NELL1: variants seen among roughly 807,000 people sequenced by gnomAD.
NELL1 encodes protein kinase C-binding protein NELL1.
In NELL1, 76 loss-of-function variants were observed where a neutral mutation model predicts 107.4. The observed-to-expected ratio is 0.71, with a 90% CI of 0.59 to 0.86. The LOEUF (loss-of-function observed/expected upper bound fraction) is 0.86, where lower values mean the gene tolerates loss of function less well. Ranked by LOEUF, NELL1 falls within the 40% of genes least tolerant of loss-of-function variation. NELL1 has a pLI of 0.00. For synonymous variants in NELL1, 353 were observed against 341.2 expected, an observed-to-expected ratio of 1.03 and a Z score of -0.38; for missense variants, 1,024 against 1,005.5, an observed-to-expected ratio of 1.02 and a Z score of -0.25.
At chr11:20,914,741 A>G (rs1165836416) in intron 5 of NELL1, among the ~76,000 whole-genome samples, 2 of 152,048 alleles carry the variant, frequency 1.3e-5, no homozygotes, top group African/African-American at 2.4e-5. Flanking sequence ...CCTGTAGTAT[A>G]TAGCCTAGGA....
chr11:20,814,076 A>C (rs926366069), intron 3 of NELL1, among the ~76,000 whole-genome samples: 1 of 151,610 alleles, frequency 6.6e-6, no homozygotes, highest in Non-Finnish European at 1.5e-5. Context: ...GCTCACTGCA[A>C]GCTCCACCTC....
At chr11:20,787,089 C>T (rs530240484) in intron 3 of NELL1, among the ~76,000 whole-genome samples, 4 of 145,092 alleles carry the variant, frequency 2.8e-5, no homozygotes, top group South Asian at 2.2e-4. Flanking sequence ...AAGACAAGTA[C>T]GAAAAATCTC....
intron 5 of NELL1, among the ~76,000 whole-genome samples, chr11:20,905,027 A>G (rs1158974684): frequency 6.7e-6 from 1 of 148,876 alleles, no homozygotes; most frequent in Non-Finnish European, 1.5e-5. Flanking sequence ...TTTCACAGAG[A>G]CAAAGTCTCA....
chr11:20,712,361 T>G lies in NELL1; in HGVS notation c.184+34301T>G, dbSNP rs1374060253. Among the ~76,000 whole-genome samples, 9 of 152,318 alleles carry G rather than the reference T, an allele frequency of 5.9e-5. No homozygotes were observed. In the East Asian group the frequency reaches 1.7e-3, roughly 29 times the overall value. On this transcript the variant is annotated intron_variant, in intron 2 of 19. Coordinates refer to ENST00000357134, the MANE Select transcript of NELL1 (RefSeq NM_006157.5). ...AATTTTTCATCCATAGCCTGCATTG[T>G]TTTTTAAAATTTCTTTAACTTGGTT... is the stretch of plus-strand genomic sequence containing the variant.
chr11:21,160,344 T>C (rs1304017977), intron 13 of NELL1, among the ~76,000 whole-genome samples: 2 of 152,152 alleles, frequency 1.3e-5, no homozygotes, highest in Non-Finnish European at 2.9e-5. Flanking sequence ...AATGCCTGGG[T>C]ATTGTTTGAA....
chr11:20,915,166 T>G (rs1359946157), intron 5 of NELL1, among the ~76,000 whole-genome samples: 1 of 152,052 alleles, frequency 6.6e-6, no homozygotes, highest in Non-Finnish European at 1.5e-5. Context: ...TTTTATTCAG[T>G]TCCAAATCAG....
chr11:21,137,371 G>T, intron 13 of NELL1, among the ~76,000 whole-genome samples: 1 of 152,346 alleles, frequency 6.6e-6, no homozygotes, highest in Non-Finnish European at 1.5e-5. Flanking sequence ...GTTGGTGGTT[G>T]GCGGTACTGC....
chr11:21,292,350 A>G (rs1849287647), intron 14 of NELL1, among the ~76,000 whole-genome samples: 1 of 152,188 alleles, frequency 6.6e-6, no homozygotes, highest in African/African-American at 2.4e-5. Flanking sequence ...AGAATAAAAT[A>G]CCTAGGAATA....
At chr11:21,505,582 T>C (rs1302498405) in intron 15 of NELL1, among the ~76,000 whole-genome samples, 1 of 152,192 alleles carries the variant, frequency 6.6e-6, no homozygotes, top group Non-Finnish European at 1.5e-5. Flanking sequence ...CACTGTATTT[T>C]ATCCTGCATC....
intron 13 of NELL1, chr11:21,169,800 T>G: frequency 2.2e-6 from 3 of 1,369,440 alleles, no homozygotes; most frequent in East Asian, 2.4e-5. Context: ...ACCCGGAGAG[T>G]GGGACAGAAT....
chr11:21,016,351 T>C (rs991249847), intron 12 of NELL1, among the ~76,000 whole-genome samples: 1 of 152,100 alleles, frequency 6.6e-6, no homozygotes, highest in East Asian at 1.9e-4. Flanking sequence ...TGCATTTGGC[T>C]GAGTGATTTT....
intron 12 of NELL1, among the ~76,000 whole-genome samples, chr11:20,982,622 G>A (rs988733425): frequency 5.3e-5 from 8 of 152,328 alleles, no homozygotes; most frequent in South Asian, 2.1e-4. Flanking sequence ...GTATTATTTA[G>A]CCCCTTCATT....
intron 14 of NELL1, among the ~76,000 whole-genome samples, chr11:21,283,114 C>A (rs987375947): frequency 2.6e-5 from 4 of 152,054 alleles, no homozygotes; most frequent in Admixed American, 2.6e-4. Context: ...TTCACTAGCA[C>A]AACAGAGTGA....
chr11:21,557,863 C>T (rs1382431338), intron 16 of NELL1, among the ~76,000 whole-genome samples: 1 of 151,962 alleles, frequency 6.6e-6, no homozygotes, highest in Admixed American at 6.6e-5. Context: ...GGAATAAATA[C>T]ATCGAATATC....
chr11:21,478,681 G>T (rs1854410657), intron 15 of NELL1, among the ~76,000 whole-genome samples: 1 of 144,334 alleles, frequency 6.9e-6, no homozygotes, highest in Non-Finnish European at 1.5e-5. Flanking sequence ...GAGAAATGGG[G>T]TCACACCAAG....
chr11:21,559,027 A>C (rs1009254353), intron 16 of NELL1, among the ~76,000 whole-genome samples: 7 of 152,116 alleles, frequency 4.6e-5, no homozygotes, highest in Admixed American at 4.6e-4. Flanking sequence ...ATAATTTTCA[A>C]AGGAGAAATC....
chr11:21,096,370 A>G lies in NELL1; in HGVS notation c.1301-17219A>G, dbSNP rs182177327. On this transcript the variant is annotated intron_variant, in intron 12 of 19. Coordinates refer to ENST00000357134, the MANE Select transcript of NELL1 (RefSeq NM_006157.5). ...AGCCTTTTTGAATTCCTTTGGGGAT[A>G]CAGCTCTCCTACAGCTCTCTGAGTG... is the stretch of plus-strand genomic sequence containing the variant. Among the ~76,000 whole-genome samples the G allele has an allele frequency of 3.7e-3, 556 of 152,314 alleles. 4 individuals are homozygous for G. Among genetic ancestry groups the G allele is most frequent in the Non-Finnish European group, 6.0e-3 (407 of 68,022 alleles).
chr11:20,710,656 G>T (rs568808296), intron 2 of NELL1, among the ~76,000 whole-genome samples: 3 of 152,034 alleles, frequency 2.0e-5, no homozygotes, highest in Admixed American at 1.3e-4. Flanking sequence ...CTGTGAATGC[G>T]TCTGGTCCTG....
intron 12 of NELL1, among the ~76,000 whole-genome samples, chr11:21,068,110 A>G (rs914711394): frequency 6.8e-6 from 1 of 147,670 alleles, no homozygotes. Flanking sequence ...CTTTAAGTAC[A>G]TTTTTCTCAT....
Sources: gnomAD v4.1 joint callset for allele counts (sites outside exome capture counted in the v4.1 genomes callset) on GRCh38, gnomAD v4.1.1 for gene constraint, MANE v1.5 for transcripts, NCBI Gene and HGNC (gene_info 2026-07-23, HGNC 2026-07-21) for gene names.